Variants in SHTN1 observed in about 807,000 individuals in gnomAD.
The protein encoded by SHTN1 is shootin-1.
A neutral mutation model predicts 83.1 loss-of-function variants in SHTN1; 42 were observed. That is an observed-to-expected ratio of 0.51 (90% CI 0.39 to 0.65). SHTN1 has a LOEUF of 0.65. Ranked by LOEUF, SHTN1 falls within the 30% of genes least tolerant of loss-of-function variation. The pLI is 0.00. For synonymous variants in SHTN1, 224 were observed against 247.7 expected, an observed-to-expected ratio of 0.90 and a Z score of 0.90; for missense variants, 622 against 737.8, an observed-to-expected ratio of 0.84 and a Z score of 1.82.
chr10:117,090,267 G>A (rs1449568174), intron 1 of SHTN1, among the ~76,000 whole-genome samples: 1 of 152,194 alleles, frequency 6.6e-6, no homozygotes, highest in Non-Finnish European at 1.5e-5. Context: ...CAACATGGAT[G>A]AACCTTAAAG....
chr10:117,097,961 C>G (rs996708634), intron 1 of SHTN1, among the ~76,000 whole-genome samples: 2 of 151,634 alleles, frequency 1.3e-5, no homozygotes, highest in Admixed American at 1.3e-4. Flanking sequence ...CTGGTGAGAA[C>G]AGTGGCAAAT....
At chr10:117,052,021 T>TATATATATATAGAA (rs1491406210) in intron 1 of SHTN1, among the ~76,000 whole-genome samples, 1 of 136,558 alleles carries the variant, frequency 7.3e-6, no homozygotes, top group African/African-American at 2.7e-5. Context: ...TATATATATA[T>TATATATATATAGAA]AGAAAAGCCT....
intron 1 of SHTN1, among the ~76,000 whole-genome samples, chr10:116,985,224 T>G (rs1375880464): frequency 6.6e-6 from 1 of 152,206 alleles, no homozygotes; most frequent in Non-Finnish European, 1.5e-5. Flanking sequence ...CATGCCTATG[T>G]TGAATAAATG....
chr10:116,966,207 C>T (rs1381627884), intron 3 of SHTN1, among the ~76,000 whole-genome samples: 1 of 152,112 alleles, frequency 6.6e-6, no homozygotes, highest in African/African-American at 2.4e-5. Context: ...CGGGGTTTCA[C>T]CGTGTTAGCC....
intron 2 of SHTN1, among the ~76,000 whole-genome samples, chr10:117,013,715 T>A (rs1852139717): frequency 6.6e-6 from 1 of 152,212 alleles, no homozygotes; most frequent in Non-Finnish European, 1.5e-5. Context: ...CAGTTCCTTA[T>A]AAAATTAGAA....
intron 16 of SHTN1, among the ~76,000 whole-genome samples, chr10:116,899,486 A>C (rs1847642604): frequency 6.9e-6 from 1 of 145,282 alleles, no homozygotes; most frequent in African/African-American, 2.7e-5. Flanking sequence ...GGGGGAAGGG[A>C]AGTTAGAGTG....
intron 1 of SHTN1, among the ~76,000 whole-genome samples, chr10:117,079,495 A>G (rs1853224254): frequency 1.4e-5 from 1 of 73,116 alleles, no homozygotes; most frequent in Non-Finnish European, 2.6e-5. Context: ...CGCAATAAAC[A>G]TACGTGTGCA....
intron 1 of SHTN1, among the ~76,000 whole-genome samples, chr10:117,108,741 AC>A (rs1853714453): frequency 6.6e-6 from 1 of 152,156 alleles, no homozygotes; most frequent in South Asian, 2.1e-4. Flanking sequence ...AAGAAAAAGT[AC>A]GTATTACCAT....
chr10:116,969,880 A>G (rs1423893111), intron 2 of SHTN1, among the ~76,000 whole-genome samples: 1 of 152,236 alleles, frequency 6.6e-6, no homozygotes, highest in African/African-American at 2.4e-5. Context: ...AACATTAAAA[A>G]GTAATTTCTA....
Position 116,882,297 on chromosome 10 carries a change from G to A in SHTN1, c.*4047C>T, listed in dbSNP as rs1318130019. The stretch of plus-strand genomic sequence containing the variant: ...TAGATCCTTTTTGGAGTAAGAATGA[G>A]TATAAATGAATAAGCACATCAGTAA... On this transcript the variant is annotated 3_prime_UTR_variant, in exon 17 of 17. Transcript: ENST00000355371. The A allele has an allele frequency of 6.6e-6, 1 of 150,862 alleles. No individual in the cohort carries two copies. The highest frequency in any genetic ancestry group is 1.5e-5 in the Non-Finnish European group (1 of 67,932). 9.3% of individuals were successfully genotyped at this position (150,862 alleles called of 1,614,324 possible).
intron 2 of SHTN1, among the ~76,000 whole-genome samples, chr10:117,043,597 T>A (rs901611017): frequency 6.6e-6 from 1 of 152,046 alleles, no homozygotes; most frequent in Non-Finnish European, 1.5e-5. Flanking sequence ...TCCCAGCACA[T>A]TGGTAGGCTG....
chr10:117,088,783 T>C (rs1186031450), intron 1 of SHTN1, among the ~76,000 whole-genome samples: 1 of 152,226 alleles, frequency 6.6e-6, no homozygotes, highest in Non-Finnish European at 1.5e-5. Flanking sequence ...TCAAATTCAC[T>C]CTGGTACTAA....
intron 16 of SHTN1, among the ~76,000 whole-genome samples, chr10:116,895,202 T>C (rs1436261696): frequency 1.3e-5 from 2 of 152,212 alleles, no homozygotes; most frequent in African/African-American, 2.4e-5. Context: ...TCTAATCCAA[T>C]GATTACGGTC....
At chr10:116,904,240 C>T (rs934981801) in intron 15 of SHTN1, among the ~76,000 whole-genome samples, 2 of 152,220 alleles carry the variant, frequency 1.3e-5, no homozygotes, top group African/African-American at 4.8e-5. Context: ...ACCTGACTCC[C>T]AACATGCAGC....
intron 12 of SHTN1, among the ~76,000 whole-genome samples, chr10:116,916,278 A>T (rs900774850): frequency 3.3e-5 from 5 of 152,228 alleles, no homozygotes; most frequent in Admixed American, 6.5e-5. Flanking sequence ...AGAAAAGTGA[A>T]ATGTCTCTCT....
At chr10:116,965,457 C>T (rs1320048179) in intron 3 of SHTN1, among the ~76,000 whole-genome samples, 1 of 152,202 alleles carries the variant, frequency 6.6e-6, no homozygotes, top group Non-Finnish European at 1.5e-5. Context: ...GCGGAGGTCG[C>T]AGCGAGCAGA....
intron 9 of SHTN1, among the ~76,000 whole-genome samples, chr10:116,937,656 C>T (rs1328492137): frequency 6.6e-6 from 1 of 152,004 alleles, no homozygotes; most frequent in Non-Finnish European, 1.5e-5. Flanking sequence ...TTGCTCTTCT[C>T]GAGGAGTATC....
Position 117,082,478 on chromosome 10 carries a change from G to A in SHTN1, c.-188-33968C>T, listed in dbSNP as rs1320677723. 2.6e-5 allele frequency among the ~76,000 whole-genome samples: 4 copies of A among 151,498 alleles called. No homozygotes were observed. The East Asian group carries it at 7.8e-4, about 30-fold the overall frequency. On this transcript the variant is annotated intron_variant, in intron 1 of 17. Coordinates refer to the SHTN1 transcript ENST00000392901. ...CAAGTATGTGGTCAATTTTGGAATA[G>A]GTGTGGTGTGGTGCTGAAAAAAATG...
rs566290593 is a variant in SHTN1 at position 116,997,554 on chromosome 10, A to G, written c.58+7468T>C. ...CAGGTATTCTGCAGAACGTCTCTCAATAGGGATTTGCTGATATTTTCCTCA... is the reference window on the plus strand; with the variant it reads ...CAGGTATTCTGCAGAACGTCTCTCAGTAGGGATTTGCTGATATTTTCCTCA... On this transcript the variant is annotated intron_variant, in intron 1 of 16. Coordinates refer to ENST00000355371, the MANE Select transcript of SHTN1 (RefSeq NM_001127211.3). Among the ~76,000 whole-genome samples the G allele has an allele frequency of 7.9e-5, 12 of 152,280 alleles. No individual in the cohort carries two copies. In the South Asian group the frequency reaches 2.3e-3, roughly 29 times the overall value.
Sources: gnomAD v4.1 joint callset for allele counts (sites outside exome capture counted in the v4.1 genomes callset) on GRCh38, gnomAD v4.1.1 for gene constraint, MANE v1.5 for transcripts, NCBI Gene and HGNC (gene_info 2026-07-23, HGNC 2026-07-21) for gene names.